The following LRRTM4 variants were observed in gnomAD, a reference collection of about 807,000 sequenced individuals.
LRRTM4 encodes leucine rich repeat transmembrane neuronal 4.
A neutral mutation model predicts 47.6 loss-of-function variants in LRRTM4; 25 were observed. The ratio of observed to expected loss-of-function variants is 0.53; its 90% CI spans 0.38 to 0.73. The LOEUF (loss-of-function observed/expected upper bound fraction) is 0.73. Ranked by LOEUF, LRRTM4 falls within the 30% of genes least tolerant of loss-of-function variation. The pLI is 0.00. For synonymous variants in LRRTM4, 311 were observed against 269.5 expected (o/e 1.15, Z -1.51); for missense variants, 638 against 713.4 (o/e 0.89, Z 1.20).
At chr2:76,946,989 C>T (rs1675343196) in intron 3 of LRRTM4, among the ~76,000 whole-genome samples, 1 of 151,694 alleles carries the variant, frequency 6.6e-6, no homozygotes, top group African/African-American at 2.4e-5. Context: ...ACCAGGAAGG[C>T]CTGAGTGAAG....
intron 3 of LRRTM4, among the ~76,000 whole-genome samples, chr2:76,904,836 A>G (rs1053870519): frequency 6.6e-6 from 1 of 152,356 alleles, no homozygotes. Context: ...TAAAAATAAC[A>G]TGAGCTATTC....
intron 3 of LRRTM4, among the ~76,000 whole-genome samples, chr2:76,821,871 T>C (rs1022022506): frequency 9.9e-5 from 15 of 151,542 alleles, no homozygotes; most frequent in African/African-American, 3.6e-4. Context: ...GTGAGACACC[T>C]CTCTCTCCCT....
At chr2:77,055,570 G>A (rs1679575396) in intron 3 of LRRTM4, among the ~76,000 whole-genome samples, 1 of 152,248 alleles carries the variant, frequency 6.6e-6, no homozygotes, top group East Asian at 1.9e-4. Context: ...GGAGAAATAG[G>A]AACACTTTTA....
rs115966254 is a variant in LRRTM4, at chr2:77,104,687, G to A, written c.1552-355771C>T. ...TGAAACCTCCTCAAACAGTTAAGAC[G>A]TCCCCACTGGAACACTTGGTGGCGC... On this transcript the variant is annotated intron_variant, in intron 3 of 3. Coordinates refer to ENST00000409884, the MANE Select transcript of LRRTM4 (RefSeq NM_001134745.3). Among the ~76,000 whole-genome samples, 344 of 152,268 alleles carry A rather than the reference G, an allele frequency of 2.3e-3. 4 individuals carry two copies. Among genetic ancestry groups the A allele is most frequent in the African/African-American group, 7.9e-3 (329 of 41,552 alleles).
At chr2:77,266,844 C>A (rs6729161) in intron 3 of LRRTM4, among the ~76,000 whole-genome samples, 26,476 of 151,986 alleles carry the variant, frequency 0.17, 6,671 homozygotes, top group African/African-American at 0.56. Flanking sequence ...TCAACATGCT[C>A]AACACAGAGA....
At position 77,491,829 on chromosome 2, in the gene LRRTM4, A is replaced by G. The variant is rs113799546; in HGVS notation, c.1551+26489T>C. Among the ~76,000 whole-genome samples, 123 of 152,050 alleles carry G rather than the reference A, an allele frequency of 8.1e-4. 2 individuals are homozygous for G. The highest frequency in any genetic ancestry group is 2.6e-3 in the African/African-American group (109 of 41,538). ...AAATGTGGGAGACATCAGAAATTTT[A>G]TTTAAAAACCTTTAAAAACTATAAA... is the stretch of plus-strand genomic sequence containing the variant. On this transcript the variant is annotated intron_variant, in intron 3 of 3. Transcript: ENST00000409884.
At chr2:76,869,361 G>A (rs991764094) in intron 3 of LRRTM4, among the ~76,000 whole-genome samples, 2 of 152,014 alleles carry the variant, frequency 1.3e-5, no homozygotes, top group Non-Finnish European at 2.9e-5. Context: ...GCAGGTTGAA[G>A]AGGCTGAGCC....
chr2:77,478,735 C>T (rs2104011124), intron 3 of LRRTM4, among the ~76,000 whole-genome samples: 1 of 152,282 alleles, frequency 6.6e-6, no homozygotes, highest in South Asian at 2.1e-4. Context: ...ATTTACTTCT[C>T]TGGACCTGTA....
intron 3 of LRRTM4, among the ~76,000 whole-genome samples, chr2:76,978,155 A>C (rs1461947031): frequency 6.6e-6 from 1 of 151,954 alleles, no homozygotes; most frequent in Non-Finnish European, 1.5e-5. Context: ...GAGCCTTCCC[A>C]TACTATTCTC....
chr2:76,944,243 T>G (rs1675249999), intron 3 of LRRTM4, among the ~76,000 whole-genome samples: 1 of 152,072 alleles, frequency 6.6e-6, no homozygotes, highest in Non-Finnish European at 1.5e-5. Context: ...TCCTAATTCC[T>G]CTCTTTTATG....
intron 3 of LRRTM4, among the ~76,000 whole-genome samples, chr2:77,029,052 A>AAAT (rs1277940864): frequency 7.1e-5 from 10 of 140,638 alleles, no homozygotes; most frequent in Non-Finnish European, 1.4e-4. Context: ...CACACACACA[A>AAAT]ATATATATAT....
rs562495510 is a variant in LRRTM4, at chr2:77,243,763, T to C, written c.1551+274555A>G. 2.2e-4 allele frequency among the ~76,000 whole-genome samples: 26 copies of C among 119,592 alleles called. No individual in the cohort carries two copies. In the East Asian group the frequency reaches 5.5e-3, roughly 25 times the overall value. The allele number at this position is 119,592 out of a possible 152,430, so 78.5% of individuals were successfully genotyped here. On this transcript the variant is annotated intron_variant, in intron 3 of 3. Transcript: ENST00000409884. ...ATAATTGATACCATATCCCTTTTTT[T>C]TTCTTTTTCCTTTTTTTTTATTATA... is the stretch of plus-strand genomic sequence containing the variant.
intron 3 of LRRTM4, among the ~76,000 whole-genome samples, chr2:76,814,408 C>G (rs1216060163): frequency 6.8e-6 from 1 of 147,392 alleles, no homozygotes; most frequent in Admixed American, 7.0e-5. Context: ...TGTTTGTATT[C>G]TTTAACATGA....
At chr2:77,046,487 T>G (rs1324976755) in intron 3 of LRRTM4, among the ~76,000 whole-genome samples, 6 of 152,000 alleles carry the variant, frequency 3.9e-5, no homozygotes, top group Non-Finnish European at 8.8e-5. Flanking sequence ...GATATCCAGT[T>G]GCCACAGAAT....
intron 3 of LRRTM4, among the ~76,000 whole-genome samples, chr2:77,241,205 TACACACACACAC>T (rs10555648): frequency 0.057 from 6,787 of 119,766 alleles, 532 homozygotes; most frequent in African/African-American, 0.18. Flanking sequence ...GAATTGGAAA[TACACACACACAC>T]ACACACACAC....
intron 3 of LRRTM4, among the ~76,000 whole-genome samples, chr2:77,139,525 T>C (rs1386129106): frequency 6.6e-6 from 1 of 152,166 alleles, no homozygotes; most frequent in Non-Finnish European, 1.5e-5. Flanking sequence ...AATATCATAC[T>C]GAATGGGCAA....
At chr2:77,459,211 T>C (rs923977900) in intron 3 of LRRTM4, among the ~76,000 whole-genome samples, 1 of 152,148 alleles carries the variant, frequency 6.6e-6, no homozygotes, top group Non-Finnish European at 1.5e-5. Context: ...TATCTTCACC[T>C]CATTGCTGGA....
chr2:77,357,158 T>C (rs1286990250), intron 3 of LRRTM4, among the ~76,000 whole-genome samples: 1 of 152,180 alleles, frequency 6.6e-6, no homozygotes, highest in Non-Finnish European at 1.5e-5. Flanking sequence ...TCCTGTTTTC[T>C]AATTTCAAAA....
At chr2:76,828,538 G>C (rs138429027) in intron 3 of LRRTM4, among the ~76,000 whole-genome samples, 6 of 152,022 alleles carry the variant, frequency 3.9e-5, no homozygotes, top group African/African-American at 1.2e-4. Context: ...TTTGAGAAAG[G>C]ATAAGAGAAA....
Sources: allele counts gnomAD v4.1 joint callset (sites outside exome capture counted in the v4.1 genomes callset), GRCh38; gene constraint gnomAD v4.1.1; transcripts MANE v1.5; gene names NCBI Gene and HGNC (gene_info 2026-07-23, HGNC 2026-07-21).